CNTNAP2: variants seen among roughly 807,000 people sequenced by gnomAD.
The protein encoded by CNTNAP2 is contactin-associated protein-like 2.
CNTNAP2 carries 98 observed loss-of-function variants against 155.2 expected under a neutral mutation model. The ratio of observed to expected loss-of-function variants is 0.63; its 90% CI spans 0.54 to 0.75. The LOEUF is 0.75. Ranked by LOEUF, CNTNAP2 falls within the 30% of genes least tolerant of loss-of-function variation. CNTNAP2 has a pLI of 0.00. For synonymous variants in CNTNAP2, 651 were observed against 631.2 expected, an observed-to-expected ratio of 1.03 and a Z score of -0.47; for missense variants, 1,727 against 1,688.1, an observed-to-expected ratio of 1.02 and a Z score of -0.40.
intron 1 of CNTNAP2, among the ~76,000 whole-genome samples, chr7:146,263,393 G>A (rs1389971781): frequency 6.6e-6 from 1 of 152,150 alleles, no homozygotes; most frequent in Non-Finnish European, 1.5e-5. Flanking sequence ...CTTAAGCGTA[G>A]TTCCATTTCA....
chr7:148,115,993 G>A (rs573536753), intron 15 of CNTNAP2, among the ~76,000 whole-genome samples: 2 of 151,980 alleles, frequency 1.3e-5, no homozygotes, highest in South Asian at 4.2e-4. Context: ...ACAAAAATTA[G>A]CCTGGCATGG....
chr7:147,497,309 T>C (rs919280287), intron 11 of CNTNAP2, among the ~76,000 whole-genome samples: 2 of 152,210 alleles, frequency 1.3e-5, no homozygotes, highest in Non-Finnish European at 2.9e-5. Flanking sequence ...ATATGCCTAC[T>C]CTACTCTTGA....
chr7:147,172,619 A>G (rs763183166), intron 8 of CNTNAP2, among the ~76,000 whole-genome samples: 32 of 152,114 alleles, frequency 2.1e-4, no homozygotes, highest in Non-Finnish European at 3.8e-4. Context: ...TTGTTCAGGT[A>G]ATTATGTATA....
chr7:147,002,311 G>C (rs573125786), intron 3 of CNTNAP2, among the ~76,000 whole-genome samples: 50 of 152,036 alleles, frequency 3.3e-4, no homozygotes, highest in Admixed American at 6.6e-4. Context: ...CTTCCTGTGG[G>C]GACAAAAACA....
intron 20 of CNTNAP2, among the ~76,000 whole-genome samples, chr7:148,240,457 A>G (rs999072124): frequency 6.6e-6 from 1 of 152,224 alleles, no homozygotes; most frequent in African/African-American, 2.4e-5. Context: ...ATAAGGACAC[A>G]GCACGTAACG....
intron 15 of CNTNAP2, among the ~76,000 whole-genome samples, chr7:148,105,516 C>T (rs1034038753): frequency 2.6e-5 from 4 of 152,098 alleles, no homozygotes; most frequent in African/African-American, 9.7e-5. Context: ...ATTCTGCAAG[C>T]TATTTGGAAC....
chr7:147,535,053 G>A (rs117719036), intron 11 of CNTNAP2, among the ~76,000 whole-genome samples: 16 of 152,138 alleles, frequency 1.1e-4, no homozygotes, highest in Non-Finnish European at 2.2e-4. Flanking sequence ...CATTATCCAG[G>A]GGGTTATTAA....
intron 13 of CNTNAP2, among the ~76,000 whole-genome samples, chr7:147,691,286 A>AT (rs201036199): frequency 0.016 from 2,504 of 152,164 alleles, 224 homozygotes; most frequent in Admixed American, 0.15. Context: ...TATTATTAAC[A>AT]TTTTTTCCGT....
chr7:148,283,306 AGGAAG>A (rs1183660887), intron 21 of CNTNAP2, among the ~76,000 whole-genome samples: 9 of 59,494 alleles, frequency 1.5e-4, no homozygotes, highest in Admixed American at 3.1e-4. Context: ...AAAGAAAGAA[AGGAAG>A]GAAGGAAGGA....
intron 3 of CNTNAP2, among the ~76,000 whole-genome samples, chr7:146,932,848 GA>G (rs776206348): frequency 9.0e-4 from 135 of 150,256 alleles, no homozygotes; most frequent in Middle Eastern, 3.4e-3. Flanking sequence ...TTGCTTCAAA[GA>G]AAAAAAAATA....
At position 146,717,273 on chromosome 7, in the gene CNTNAP2, C is replaced by T. The variant is rs562701364; in HGVS notation, c.98-56998C>T. ...CCTAGTTTTCTTTGGGAGGCCGAGG[C>T]GGGTGGATCACCTGAGGTCAGGAGT... On this transcript the variant is annotated intron_variant, in intron 1 of 23. Transcript: ENST00000361727. Among the ~76,000 whole-genome samples, 7 of 150,156 alleles carry T rather than the reference C, an allele frequency of 4.7e-5. No homozygotes were observed. The South Asian group carries it at 8.5e-4, about 18-fold the overall frequency.
chr7:146,630,157 C>A (rs1421650822), intron 1 of CNTNAP2, among the ~76,000 whole-genome samples: 1 of 151,992 alleles, frequency 6.6e-6, no homozygotes, highest in African/African-American at 2.4e-5. Context: ...AGACAGGCCC[C>A]AGCATATGAT....
intron 22 of CNTNAP2, among the ~76,000 whole-genome samples, chr7:148,385,746 T>TTGTTTGTTTGTTTGTTTG (rs1672588613): frequency 2.9e-5 from 3 of 103,742 alleles, no homozygotes; most frequent in African/African-American, 1.1e-4. Context: ...GTTTTTTTTT[T>TTGTTTGTTTGTTTGTTTG]TTTTTTTTTT....
At chr7:146,862,899 A>G (rs1344437067) in intron 3 of CNTNAP2, among the ~76,000 whole-genome samples, 2 of 152,172 alleles carry the variant, frequency 1.3e-5, no homozygotes, top group South Asian at 2.1e-4. Context: ...AAGTGTTTTG[A>G]ACAGATTCAG....
intron 13 of CNTNAP2, among the ~76,000 whole-genome samples, chr7:147,830,178 A>C (rs1234637652): frequency 7.2e-6 from 1 of 139,564 alleles, no homozygotes; most frequent in East Asian, 2.2e-4. Context: ...AAAAAAAAAA[A>C]ACATAAACTA....
chr7:147,434,749 G>A (rs1563202738), intron 10 of CNTNAP2, among the ~76,000 whole-genome samples: 1 of 152,196 alleles, frequency 6.6e-6, no homozygotes, highest in East Asian at 1.9e-4. Flanking sequence ...TGTACATGGA[G>A]CACCTGCTCC....
chr7:148,365,077 A>G (rs1406950126), intron 21 of CNTNAP2, among the ~76,000 whole-genome samples: 2 of 152,130 alleles, frequency 1.3e-5, no homozygotes, highest in East Asian at 3.9e-4. Flanking sequence ...TTCATTCTTG[A>G]AGTCAGTGAG....
At chr7:147,929,208 A>C (rs1563138623) in intron 14 of CNTNAP2, among the ~76,000 whole-genome samples, 1 of 152,014 alleles carries the variant, frequency 6.6e-6, no homozygotes, top group African/African-American at 2.4e-5. Context: ...AGAGCAGTCA[A>C]ATTGTGATGA....
chr7:146,372,203 C>A (rs965542229), intron 1 of CNTNAP2, among the ~76,000 whole-genome samples: 2 of 152,068 alleles, frequency 1.3e-5, no homozygotes, highest in African/African-American at 2.4e-5. Context: ...TTTACCCTGG[C>A]CATATCTTTA....
Sources: allele counts gnomAD v4.1 joint callset (sites outside exome capture counted in the v4.1 genomes callset), GRCh38; gene constraint gnomAD v4.1.1; transcripts MANE v1.5; gene names NCBI Gene and HGNC (gene_info 2026-07-23, HGNC 2026-07-21).